Variants in KHDC4 observed in about 807,000 individuals in gnomAD.
KHDC4 encodes KH homology domain-containing protein 4.
Under a neutral mutation model 74.5 loss-of-function variants are expected in KHDC4, and 19 were observed. That is an observed-to-expected ratio of 0.26 (90% CI 0.18 to 0.37). The LOEUF (loss-of-function observed/expected upper bound fraction) is 0.37, where lower values mean the gene tolerates loss of function less well. Among genes scored for constraint, KHDC4 ranks in the 10% least tolerant of loss-of-function variants. KHDC4 has a pLI of 1.00. For missense variants in KHDC4, 632 were observed against 754.1 expected (o/e 0.84, Z 1.90); for synonymous variants, 253 against 266.1 (o/e 0.95, Z 0.48).
At chr1:155,921,242 G>T in intron 10 of KHDC4, 133 bp downstream of exon 10, 1 of 1,025,224 alleles carries the variant, frequency 9.8e-7, no homozygotes, top group Non-Finnish European at 1.5e-6. Context: ...TAGGTTGGTG[G>T]TAGGAACACA....
chr1:155,914,351 A>C, intron 13 of KHDC4, 31 bp from the exon 14 acceptor site: 12 of 1,481,824 alleles, frequency 8.1e-6, no homozygotes, highest in Non-Finnish European at 1.1e-5. Context: ...CCCCAACCCC[A>C]TCCCCGCCAA....
rs1251589267 is a variant in KHDC4, at chr1:155,933,783, A to T, written c.105T>A (p.Gly35=). The T allele has an allele frequency of 6.3e-7, 1 of 1,596,460 alleles. No homozygotes were observed. Among genetic ancestry groups the T allele is most frequent in the Non-Finnish European group, 8.5e-7 (1 of 1,169,924 alleles). The part of the protein sequence containing the change: ...PLLFLPPAAP[G]GEVTSSGGSP... ...TTCCCCCACTGCTGGTGACCTCCCC[A>T]CCTGGGGCCGCTGGCGGGAGGAAGA... The change falls in exon 2 of 14, where the codon GGT becomes GGA. Residue 35 remains glycine, a synonymous_variant. Transcript: ENST00000368321.
intron 10 of KHDC4, chr1:155,920,120 T>A (rs929658641): frequency 6.3e-6 from 2 of 315,552 alleles, no homozygotes; most frequent in East Asian, 1.8e-4. Context: ...ACATCTACTC[T>A]TTTCCTAAAA....
At chr1:155,920,210 C>T (rs552516669) in intron 10 of KHDC4, among the ~76,000 whole-genome samples, 117 of 152,096 alleles carry the variant, frequency 7.7e-4, no homozygotes, top group Middle Eastern at 3.4e-3. Flanking sequence ...GAGGCAGAGG[C>T]AGTTGGATCA....
intron 8 of KHDC4, among the ~76,000 whole-genome samples, chr1:155,922,446 A>G (rs1408333040): frequency 6.6e-6 from 1 of 152,110 alleles, no homozygotes. Context: ...TGTCCAACCC[A>G]CCTCAACATT....
At chr1:155,925,017 A>T (rs1209921708) in intron 7 of KHDC4, among the ~76,000 whole-genome samples, 1 of 135,952 alleles carries the variant, frequency 7.4e-6, no homozygotes, top group Non-Finnish European at 1.6e-5. Flanking sequence ...TGTACACCAT[A>T]ACACCTGGCT....
intron 6 of KHDC4, chr1:155,926,409 A>G (rs1310049726): frequency 2.4e-5 from 10 of 409,550 alleles, no homozygotes; most frequent in Non-Finnish European, 4.4e-5. Flanking sequence ...AGCTCCCTGC[A>G]ACCTCCACCT....
At chr1:155,926,868 A>T (rs777281456) in intron 5 of KHDC4, 29 bp from the exon 6 acceptor site, 1 of 1,612,828 alleles carries the variant, frequency 6.2e-7, no homozygotes, top group East Asian at 2.2e-5. Flanking sequence ...GTAAAACTGA[A>T]TGGAATGAAC....
chr1:155,917,534 G>A lies in KHDC4; in HGVS notation c.1405C>T (p.Pro469Ser). Reference protein sequence around the residue: ...AQKRRFTEELPDERESGLLGY... With the variant: ...AQKRRFTEELSDERESGLLGY... ...AGCAGTCCAGATTCCCGTTCATCTG[G>A]TAGCTCCTCTGTGAATCGTCTCTTC... Residue 469 changes from proline to serine, a missense_variant, in exon 11 of 14, where the codon CCA becomes TCA. Pro to Ser is a moderately conservative substitution (Grantham distance 74). Transcript: ENST00000368321. The A allele has an allele frequency of 6.7e-7, 1 of 1,483,542 alleles. No homozygotes were observed. Among genetic ancestry groups the A allele is most frequent in the Non-Finnish European group, 9.1e-7 (1 of 1,097,244 alleles). 91.9% of individuals were successfully genotyped at this position (1,483,542 alleles called of 1,614,324 possible).
chr1:155,933,446 C>T (rs1674186133), intron 2 of KHDC4, 187 bp downstream of exon 2: 6 of 465,062 alleles, frequency 1.3e-5, no homozygotes, highest in Non-Finnish European at 2.3e-5. Flanking sequence ...CCACCATGCC[C>T]GACTAATTTT....
rs769476358 is a variant in KHDC4, at chr1:155,917,481, C to G, written c.1440+18G>C. 4 of 1,592,152 alleles carry G rather than the reference C, an allele frequency of 2.5e-6. No individual in the cohort carries two copies. In the East Asian group the frequency reaches 8.9e-5, roughly 36 times the overall value. On this transcript the variant is annotated intron_variant, in intron 11 of 13. Transcript: ENST00000368321. ...GAAGAATAAGGTGAAGATAGGAAAACAGGGTATTTTATTTAACCTGGTATC... is the reference window on the plus strand; with the variant it reads ...GAAGAATAAGGTGAAGATAGGAAAAGAGGGTATTTTATTTAACCTGGTATC...
intron 10 of KHDC4, 98 bp from the exon 11 acceptor site, chr1:155,917,770 A>AT: frequency 9.2e-7 from 1 of 1,081,710 alleles, no homozygotes; most frequent in Non-Finnish European, 1.3e-6. Flanking sequence ...AATAAGTATC[A>AT]TATGAATTTT....
chr1:155,925,970 G>A (rs770787624), intron 6 of KHDC4, 127 bp from the exon 7 acceptor site: 3 of 847,616 alleles, frequency 3.5e-6, no homozygotes, highest in Middle Eastern at 2.2e-4. Context: ...GTGTTGGGTA[G>A]TACAGTCAGC....
chr1:155,925,866 CAGATTAAACAGAATATATA>C, intron 6 of KHDC4, 23 bp from the exon 7 acceptor site: 3 of 1,479,812 alleles, frequency 2.0e-6, no homozygotes, highest in Non-Finnish European at 2.8e-6. Flanking sequence ...CAGAATACTT[CAGATTAAACAGAATATATA>C]ATTAAATCCT....
At chr1:155,928,257 C>T (rs531545073) in intron 4 of KHDC4, among the ~76,000 whole-genome samples, 2 of 152,032 alleles carry the variant, frequency 1.3e-5, no homozygotes, top group African/African-American at 4.8e-5. Flanking sequence ...GCTTGTAATC[C>T]CAGCTACTCG....
chr1:155,916,902 G>C, intron 11 of KHDC4, 165 bp from the exon 12 acceptor site: 1 of 539,906 alleles, frequency 1.9e-6, no homozygotes. Context: ...CAAAAGTAGG[G>C]ATTTTTTTTT....
At chr1:155,933,871 C>T (rs1435270121) in intron 1 of KHDC4, 22 bp from the exon 2 acceptor site, 2 of 1,489,846 alleles carry the variant, frequency 1.3e-6, no homozygotes, top group Non-Finnish European at 1.8e-6. Context: ...AAAAGGAAAA[C>T]ATTAGGCCCC....
At chr1:155,917,024 A>G (rs1673746708) in intron 11 of KHDC4, 2 of 265,552 alleles carry the variant, frequency 7.5e-6, no homozygotes, top group Admixed American at 4.8e-5. Context: ...TAGAAACTAT[A>G]AAAAAATGCT....
chr1:155,917,803 C>T (rs1349736172), intron 10 of KHDC4, 131 bp from the exon 11 acceptor site: 41 of 751,802 alleles, frequency 5.5e-5, no homozygotes, highest in Non-Finnish European at 1.9e-5. Context: ...CCTTAGTTTC[C>T]TTCATGTATA....
Sources: allele counts gnomAD v4.1 joint callset (sites outside exome capture counted in the v4.1 genomes callset), GRCh38; gene constraint gnomAD v4.1.1; transcripts MANE v1.5; gene names NCBI Gene and HGNC (gene_info 2026-07-23, HGNC 2026-07-21).